Variants in CLEC9A observed in about 807,000 individuals in gnomAD.
CLEC9A encodes the protein C-type lectin domain containing 9A.
A neutral mutation model predicts 30.0 loss-of-function variants in CLEC9A; 24 were observed. That is an observed-to-expected ratio of 0.80 (90% confidence interval 0.58 to 1.13). The LOEUF (loss-of-function observed/expected upper bound fraction) is 1.13. Among genes scored for constraint, CLEC9A ranks in the 50% most tolerant of loss-of-function variants. CLEC9A has a pLI of 0.00. For missense variants in CLEC9A, 251 were observed against 280.9 expected, an observed-to-expected ratio of 0.89 and a Z score of 0.76; for synonymous variants, 111 against 96.8, an observed-to-expected ratio of 1.15 and a Z score of -0.86.
At position 10,041,548 on chromosome 12, in the gene CLEC9A, A is replaced by G. The variant is rs778144100; in HGVS notation, c.-235A>G. ...ATGGGTTCTTCAAACACAACTTGAC[A>G]TGGAAAGAGAGTGAGCAGTACTGCA... On this transcript the variant is annotated 5_prime_UTR_variant, in exon 2 of 9. The change abolishes an upstream ATG in the 5' untranslated region. Coordinates refer to ENST00000355819, the MANE Select transcript of CLEC9A (RefSeq NM_207345.4). The G allele has an allele frequency of 1.6e-5, 8 of 503,978 alleles. No individual in the cohort carries two copies. Among genetic ancestry groups the G allele is most frequent in the African/African-American group, 4.0e-5 (2 of 50,536 alleles). 31.2% of individuals were successfully genotyped at this position (503,978 alleles called of 1,614,324 possible). A position where few individuals can be genotyped will look rare whatever the true frequency, so the allele number is the denominator to read the frequency against.
chr12:10,050,633 A>G (rs1023386020), intron 2 of CLEC9A, among the ~76,000 whole-genome samples: 2 of 152,240 alleles, frequency 1.3e-5, no homozygotes, highest in East Asian at 1.9e-4. Context: ...GCTCCATACA[A>G]TGAAATTTAT....
At chr12:10,038,608 A>G (rs1163681534) in intron 1 of CLEC9A, among the ~76,000 whole-genome samples, 1 of 152,244 alleles carries the variant, frequency 6.6e-6, no homozygotes, top group Non-Finnish European at 1.5e-5. Context: ...GTTTAACAAC[A>G]ACAACAAAAT....
intron 1 of CLEC9A, among the ~76,000 whole-genome samples, chr12:10,031,730 G>A (rs780501220): frequency 6.6e-6 from 1 of 152,068 alleles, no homozygotes; most frequent in Non-Finnish European, 1.5e-5. Flanking sequence ...TGAGAAATGG[G>A]AGTAGCAACC....
intron 5 of CLEC9A, chr12:10,060,790 T>A: frequency 4.3e-6 from 1 of 231,854 alleles, no homozygotes; most frequent in Non-Finnish European, 8.4e-6. Context: ...AGAGAGCGAG[T>A]TTTATATTCA....
intron 1 of CLEC9A, among the ~76,000 whole-genome samples, chr12:10,040,267 A>C (rs552642063): frequency 2.6e-5 from 4 of 152,210 alleles, no homozygotes; most frequent in African/African-American, 9.7e-5. Flanking sequence ...AAATGTCAAC[A>C]ACCACTTTGG....
rs115125584 is a variant in CLEC9A, at chr12:10,041,518, C to T, written c.-265C>T. ...CCAACTGGACATATTATGGAGATAGCTGCTATGGGTTCTTCAAACACAACT... is the reference window on the plus strand; with the variant it reads ...CCAACTGGACATATTATGGAGATAGTTGCTATGGGTTCTTCAAACACAACT... On this transcript the variant is annotated 5_prime_UTR_variant, in exon 2 of 9. Coordinates refer to ENST00000355819, the MANE Select transcript of CLEC9A (RefSeq NM_207345.4). 12 of 494,348 alleles carry T rather than the reference C, an allele frequency of 2.4e-5. No individual in the cohort carries two copies. The highest frequency in any genetic ancestry group is 2.4e-4 in the African/African-American group (12 of 50,360). 30.6% of individuals were successfully genotyped at this position (494,348 alleles called of 1,614,324 possible). A position where few individuals can be genotyped will look rare whatever the true frequency, so the allele number is the denominator to read the frequency against.
intron 5 of CLEC9A, among the ~76,000 whole-genome samples, chr12:10,054,843 A>C (rs979625439): frequency 1.3e-5 from 2 of 152,218 alleles, no homozygotes; most frequent in African/African-American, 4.8e-5. Context: ...TTGGCAAGTG[A>C]AATTTTTATA....
rs562360552 is a variant in CLEC9A at position 10,036,799 on chromosome 12, T to C, written c.-317-4667T>C. Among the ~76,000 whole-genome samples, 28 of 152,334 alleles carry C rather than the reference T, an allele frequency of 1.8e-4. 1 individual carries two copies. The South Asian group carries it at 3.3e-3, about 18-fold the overall frequency. On this transcript the variant is annotated intron_variant, in intron 1 of 8. Transcript: ENST00000355819. ...GTAGATGCTACTAGGTACTACTTTT[T>C]ACAAGAAATACCATGATTTAAAAAG...
At chr12:10,049,578 G>T (rs1443721450) in intron 2 of CLEC9A, among the ~76,000 whole-genome samples, 6 of 152,056 alleles carry the variant, frequency 3.9e-5, no homozygotes, top group East Asian at 1.9e-4. Context: ...TTCATCTTTC[G>T]TTTTTTTGTT....
chr12:10,031,203 G>A (rs1865692616), intron 1 of CLEC9A, among the ~76,000 whole-genome samples: 1 of 152,242 alleles, frequency 6.6e-6, no homozygotes, highest in South Asian at 2.1e-4. Context: ...AGAGATGGAT[G>A]AGGGAAGATG....
At chr12:10,048,067 A>C (rs547286215) in intron 2 of CLEC9A, among the ~76,000 whole-genome samples, 1 of 150,830 alleles carries the variant, frequency 6.6e-6, no homozygotes, top group Non-Finnish European at 1.5e-5. Context: ...CCCCGTCTCT[A>C]CTAAAAATAC....
intron 1 of CLEC9A, among the ~76,000 whole-genome samples, chr12:10,033,245 T>C (rs1012796622): frequency 2.0e-5 from 3 of 152,172 alleles, no homozygotes; most frequent in African/African-American, 7.2e-5. Flanking sequence ...TAAAATGTTG[T>C]TGTGTCCCAG....
At chr12:10,049,503 C>T (rs1355237667) in intron 2 of CLEC9A, among the ~76,000 whole-genome samples, 2 of 152,184 alleles carry the variant, frequency 1.3e-5, no homozygotes, top group East Asian at 1.9e-4. Context: ...AATGTAGCAA[C>T]CTTCAATTAT....
intron 1 of CLEC9A, among the ~76,000 whole-genome samples, chr12:10,039,866 G>T (rs1865775934): frequency 4.1e-4 from 1 of 2,436 alleles, no homozygotes; most frequent in South Asian, 0.25. Flanking sequence ...CTTTCACCCA[G>T]GCTGGAGTTG....
chr12:10,039,028 AC>A (rs1865768584), intron 1 of CLEC9A, among the ~76,000 whole-genome samples: 1 of 152,168 alleles, frequency 6.6e-6, no homozygotes, highest in Non-Finnish European at 1.5e-5. Context: ...TACTTGGAGG[AC>A]CCTGAGAAGG....
chr12:10,065,700 ACCCCCCCT>A lies in CLEC9A; in HGVS notation c.*70_*77del. The A allele has an allele frequency of 7.4e-7, 1 of 1,357,144 alleles. No individual in the cohort carries two copies. Among genetic ancestry groups the A allele is most frequent in the Admixed American group, 2.4e-5 (1 of 41,220 alleles). The allele number at this position is 1,357,144 out of a possible 1,614,324, so 84.1% of individuals were successfully genotyped here. On this transcript the variant is annotated 3_prime_UTR_variant, in exon 9 of 9. Coordinates refer to ENST00000355819, the MANE Select transcript of CLEC9A (RefSeq NM_207345.4). ...GCATGCCATTGGAAAACCCACCCCC[ACCCCCCCT>A]CAAAAAAACAGAACAGTAAACCAAA...
rs755636995 is a variant in CLEC9A at position 10,054,293 on chromosome 12, G to T, written c.114G>T (p.Val38=). The part of the protein sequence containing the change: ...KCSGACCLVM[V]ISCVFCMGLL... ...TAGGAGCATGCTGTCTTGTGATGGT[G>T]ATTTCATGTGTTTTCTGCATGGGAT... The change falls in exon 5 of 9, where the codon GTG becomes GTT. Residue 38 remains valine, a synonymous_variant. Transcript: ENST00000355819. 3.7e-6 allele frequency: 6 copies of T among 1,612,998 alleles called. 1 individual carries two copies. In the South Asian group the frequency reaches 6.6e-5, roughly 18 times the overall value.
At chr12:10,060,609 T>C (rs1865988457) in intron 5 of CLEC9A, 1 of 154,682 alleles carries the variant, frequency 6.5e-6, no homozygotes, top group African/African-American at 2.4e-5. Context: ...CTGATGGTAG[T>C]GGAGGAGCCG....
chr12:10,039,947 C>T (rs564219610), intron 1 of CLEC9A, among the ~76,000 whole-genome samples: 1 of 152,010 alleles, frequency 6.6e-6, no homozygotes, highest in South Asian at 2.1e-4. Flanking sequence ...CTTAGCCTCC[C>T]GAGTAGCTGG....
Sources: gnomAD v4.1 joint callset for allele counts (sites outside exome capture counted in the v4.1 genomes callset) on GRCh38, gnomAD v4.1.1 for gene constraint, MANE v1.5 for transcripts, NCBI Gene and HGNC (gene_info 2026-07-23, HGNC 2026-07-21) for gene names.